Variants in SYN3 observed in about 807,000 individuals in gnomAD.
SYN3 encodes synapsin-3.
A neutral mutation model predicts 65.8 loss-of-function variants in SYN3; 35 were observed. The ratio of observed to expected loss-of-function variants is 0.53; its 90% CI spans 0.41 to 0.70. SYN3 has a LOEUF of 0.70. SYN3 is among the 30% of genes least tolerant of loss of function. The pLI is 0.00. For synonymous variants in SYN3, 270 were observed against 292.9 expected, an observed-to-expected ratio of 0.92 and a Z score of 0.80; for missense variants, 680 against 749.0, an observed-to-expected ratio of 0.91 and a Z score of 1.08.
At chr22:32,639,848 C>T (rs9619285) in intron 6 of SYN3, among the ~76,000 whole-genome samples, 16,730 of 152,250 alleles carry the variant, frequency 0.11, 1,740 homozygotes, top group African/African-American at 0.28. Context: ...TGTCCCTTTT[C>T]CTTGGATGAG....
intron 6 of SYN3, among the ~76,000 whole-genome samples, chr22:32,708,362 A>G (rs5754226): frequency 0.32 from 49,446 of 152,168 alleles, 11,924 homozygotes; most frequent in East Asian, 0.67. Context: ...CCTGCACTCC[A>G]GGCGGCCCAT....
At chr22:33,012,975 A>G (rs1248789613) in intron 1 of SYN3, among the ~76,000 whole-genome samples, 1 of 152,216 alleles carries the variant, frequency 6.6e-6, no homozygotes, top group Non-Finnish European at 1.5e-5. Context: ...TCCAAAGTTT[A>G]TCATTATCAT....
intron 4 of SYN3, among the ~76,000 whole-genome samples, chr22:32,925,095 GA>G (rs147031555): frequency 4.0e-5 from 6 of 148,226 alleles, no homozygotes; most frequent in Middle Eastern, 3.4e-3. Context: ...CTGTCTCAAG[GA>G]AAAAAAAAAG....
intron 4 of SYN3, among the ~76,000 whole-genome samples, chr22:32,874,056 C>T (rs753808224): frequency 6.6e-6 from 1 of 152,148 alleles, no homozygotes; most frequent in Non-Finnish European, 1.5e-5. Context: ...ATTGCTTGAA[C>T]CAGGGAGGCA....
At chr22:32,882,728 T>G (rs1390821354) in intron 4 of SYN3, among the ~76,000 whole-genome samples, 5 of 152,204 alleles carry the variant, frequency 3.3e-5, no homozygotes, top group African/African-American at 1.2e-4. Flanking sequence ...TTTTTTTTTT[T>G]TTAGGATCTG....
chr22:32,766,546 CAGA>C (rs1414531104), intron 6 of SYN3, among the ~76,000 whole-genome samples: 3 of 152,172 alleles, frequency 2.0e-5, no homozygotes, highest in Admixed American at 2.0e-4. Context: ...TCTCCGCACC[CAGA>C]AGGCCATACC....
Position 32,509,484 on chromosome 22 carries a change from A to G in SYN3, c.*4208T>C, listed in dbSNP as rs1415115347. 6.6e-6 allele frequency among the ~76,000 whole-genome samples: 1 copy of G among 152,184 alleles called. No homozygotes were observed. The highest frequency in any genetic ancestry group is 6.5e-5 in the Admixed American group (1 of 15,284). On this transcript the variant is annotated 3_prime_UTR_variant, in exon 14 of 14. Coordinates refer to ENST00000358763, the MANE Select transcript of SYN3 (RefSeq NM_003490.4). ...GAACAGGTACTAGTCTATGTGACAG[A>G]ACAGACTATTTTAGGGTCGCCATGA... is the stretch of plus-strand genomic sequence containing the variant.
intron 2 of SYN3, 56 bp from the exon 3 acceptor site, chr22:32,980,758 C>G: frequency 1.3e-6 from 2 of 1,549,784 alleles, no homozygotes; most frequent in Non-Finnish European, 1.8e-6. Context: ...ACTCTTTTCT[C>G]CCTTCTCCCA....
At chr22:32,546,843 G>A (rs906238367) in intron 7 of SYN3, among the ~76,000 whole-genome samples, 1 of 151,732 alleles carries the variant, frequency 6.6e-6, no homozygotes, top group Admixed American at 6.6e-5. Context: ...TGCCTCCCTC[G>A]CCCCTCTTCT....
intron 3 of SYN3, among the ~76,000 whole-genome samples, chr22:32,940,663 C>A (rs1012994310): frequency 3.3e-5 from 5 of 152,162 alleles, no homozygotes; most frequent in Non-Finnish European, 7.4e-5. Flanking sequence ...TGCCAACCAC[C>A]AAGTCACTTC....
At chr22:32,521,735 C>T (rs1057141827) in intron 12 of SYN3, among the ~76,000 whole-genome samples, 3 of 152,082 alleles carry the variant, frequency 2.0e-5, no homozygotes, top group South Asian at 2.1e-4. Flanking sequence ...TGTGAGTCAC[C>T]GCGCCCAGCT....
intron 6 of SYN3, among the ~76,000 whole-genome samples, chr22:32,780,979 C>CCG (rs1569219327): frequency 1.3e-5 from 1 of 79,650 alleles, no homozygotes; most frequent in Admixed American, 1.4e-4. Context: ...CCTTCCTTCC[C>CCG]TCCTTCCTTC....
chr22:32,702,203 C>T lies in SYN3; in HGVS notation c.712-105467G>A, dbSNP rs532616909. The stretch of plus-strand genomic sequence containing the variant: ...TAAAGTAATAGAAGCATCGGCCAGG[C>T]GCTATGGCTCATGCCTGTAATCCCA... On this transcript the variant is annotated intron_variant, in intron 6 of 13. Transcript: ENST00000358763. Among the ~76,000 whole-genome samples, 27 of 152,268 alleles carry T rather than the reference C, an allele frequency of 1.8e-4. No homozygotes were observed. In the South Asian group the frequency reaches 3.1e-3, roughly 18 times the overall value.
chr22:33,045,571 C>T (rs1224804731), intron 1 of SYN3, among the ~76,000 whole-genome samples: 3 of 149,210 alleles, frequency 2.0e-5, no homozygotes, highest in Non-Finnish European at 3.0e-5. Flanking sequence ...GGGTTCATGC[C>T]GTTCTCCTGC....
intron 7 of SYN3, among the ~76,000 whole-genome samples, chr22:32,595,891 A>T (rs1396203580): frequency 6.6e-6 from 1 of 152,318 alleles, no homozygotes; most frequent in East Asian, 1.9e-4. Flanking sequence ...AGCCTGGCCA[A>T]CATGGTGAAA....
At chr22:32,601,653 G>A (rs1377016757) in intron 6 of SYN3, among the ~76,000 whole-genome samples, 1 of 152,168 alleles carries the variant, frequency 6.6e-6, no homozygotes, top group Non-Finnish European at 1.5e-5. Flanking sequence ...CAAGACTCCG[G>A]GCTAGTGCTG....
At chr22:32,635,761 T>G (rs367578839) in intron 6 of SYN3, among the ~76,000 whole-genome samples, 2 of 152,198 alleles carry the variant, frequency 1.3e-5, no homozygotes, top group East Asian at 3.8e-4. Flanking sequence ...AGGAGACAAC[T>G]AAGTAGACTC....
chr22:33,046,115 G>A (rs2054059765), intron 1 of SYN3, among the ~76,000 whole-genome samples: 1 of 151,962 alleles, frequency 6.6e-6, no homozygotes, highest in African/African-American at 2.4e-5. Context: ...TAGCAAATTA[G>A]GGAAATGCAA....
intron 3 of SYN3, among the ~76,000 whole-genome samples, chr22:32,944,085 C>T (rs1601750325): frequency 6.6e-6 from 1 of 152,296 alleles, no homozygotes; most frequent in East Asian, 1.9e-4. Flanking sequence ...CTCAGCTCTG[C>T]ACCAAGTGGA....
Sources: gnomAD v4.1 joint callset for allele counts (sites outside exome capture counted in the v4.1 genomes callset) on GRCh38, gnomAD v4.1.1 for gene constraint, MANE v1.5 for transcripts, NCBI Gene and HGNC (gene_info 2026-07-23, HGNC 2026-07-21) for gene names.